NR3C2: variants seen among roughly 807,000 people sequenced by gnomAD.
The protein encoded by NR3C2 is nuclear receptor subfamily 3 group C member 2, also known as mineralocorticoid receptor.
In NR3C2, 15 loss-of-function variants were observed where a neutral mutation model predicts 86.4. The ratio of observed to expected loss-of-function variants is 0.17; its 90% confidence interval spans 0.12 to 0.27. The LOEUF (loss-of-function observed/expected upper bound fraction) is 0.27, where lower values mean the gene tolerates loss of function less well. Ranked by LOEUF, NR3C2 falls within the 10% of genes least tolerant of loss-of-function variation. The pLI is 1.00. For synonymous variants in NR3C2, 458 were observed against 450.5 expected (o/e 1.02, Z -0.21); for missense variants, 960 against 1,195.6 (o/e 0.80, Z 2.91).
chr4:148,255,896 T>G (rs1056431007), intron 3 of NR3C2, among the ~76,000 whole-genome samples: 22 of 152,336 alleles, frequency 1.4e-4, no homozygotes, highest in South Asian at 1.0e-3. Context: ...CTAATTCAAT[T>G]GACAATTTAC....
chr4:148,172,560 A>T (rs1242020874), intron 4 of NR3C2, among the ~76,000 whole-genome samples: 1 of 152,204 alleles, frequency 6.6e-6, no homozygotes, highest in Non-Finnish European at 1.5e-5. Flanking sequence ...TTATAGGACT[A>T]GTTTTATAAT....
rs1385923393 is a variant in NR3C2 at position 148,177,482 on chromosome 4, C to T, written c.2014+17264G>A. ...AACAGCTTCTCCATCTTCACAATAA[C>T]ATAATTCAGTGTGAAAATGGGGAAA... On this transcript the variant is annotated intron_variant, in intron 4 of 8. Transcript: ENST00000358102. Among the ~76,000 whole-genome samples the T allele has an allele frequency of 1.3e-5, 2 of 152,112 alleles. 1 individual carries two copies. The highest frequency in any genetic ancestry group is 2.9e-5 in the Non-Finnish European group (2 of 68,028).
chr4:148,102,291 G>A (rs372563940), intron 8 of NR3C2, among the ~76,000 whole-genome samples: 1 of 152,310 alleles, frequency 6.6e-6, no homozygotes, highest in South Asian at 2.1e-4. Context: ...CCCAGCTTCA[G>A]TGACCACTCA....
At chr4:148,323,868 C>G (rs981818913) in intron 2 of NR3C2, among the ~76,000 whole-genome samples, 6 of 151,924 alleles carry the variant, frequency 3.9e-5, no homozygotes, top group African/African-American at 9.7e-5. Flanking sequence ...AGCTGTGGAC[C>G]GGAGCTGTTC....
intron 6 of NR3C2, among the ~76,000 whole-genome samples, chr4:148,139,567 G>A (rs1249121155): frequency 6.6e-6 from 1 of 152,202 alleles, no homozygotes. Flanking sequence ...TTCTGTTGAA[G>A]TGACGTCTAT....
At position 148,120,025 on chromosome 4, in the gene NR3C2, C is replaced by G. The variant is rs140519494; in HGVS notation, c.2641+133G>C. 195 of 1,216,382 alleles carry G rather than the reference C, an allele frequency of 1.6e-4. No individual in the cohort carries two copies. The Middle Eastern group carries it at 1.6e-3, about 10-fold the overall frequency. The allele number at this position is 1,216,382 out of a possible 1,614,324, so 75.3% of individuals were successfully genotyped here. ...TCATCAAAGGTCAAAGCCTTCCTCCCATTTCTTCAGTGTTTCTGTTTGGTT... is the reference window on the plus strand; with the variant it reads ...TCATCAAAGGTCAAAGCCTTCCTCCGATTTCTTCAGTGTTTCTGTTTGGTT... On this transcript the variant is annotated intron_variant, in intron 7 of 8. Transcript: ENST00000358102.
intron 3 of NR3C2, 61 bp from the exon 4 acceptor site, chr4:148,194,923 T>C (rs1736371383): frequency 6.9e-6 from 8 of 1,151,692 alleles, no homozygotes; most frequent in Non-Finnish European, 2.6e-6. Context: ...AACATTAATA[T>C]GTATACTCAG....
At chr4:148,303,608 C>G (rs1007872949) in intron 2 of NR3C2, among the ~76,000 whole-genome samples, 2 of 151,970 alleles carry the variant, frequency 1.3e-5, no homozygotes, top group South Asian at 4.2e-4. Flanking sequence ...GTCCATACAA[C>G]CCCCCGAGAT....
At chr4:148,432,496 C>T (rs548571461) in intron 2 of NR3C2, among the ~76,000 whole-genome samples, 1 of 152,246 alleles carries the variant, frequency 6.6e-6, no homozygotes, top group Non-Finnish European at 1.5e-5. Flanking sequence ...AGCATGATTT[C>T]TGACTGTGTG....
chr4:148,205,217 A>G (rs1277580759), intron 3 of NR3C2, among the ~76,000 whole-genome samples: 1 of 152,256 alleles, frequency 6.6e-6, no homozygotes, highest in Non-Finnish European at 1.5e-5. Context: ...ATAAACTTCT[A>G]CCAACAATCT....
At chr4:148,338,001 C>T (rs976837384) in intron 2 of NR3C2, among the ~76,000 whole-genome samples, 7 of 152,154 alleles carry the variant, frequency 4.6e-5, no homozygotes. Context: ...GTTTCCTAAA[C>T]TTTACATACC....
At chr4:148,255,935 T>C (rs1047661908) in intron 3 of NR3C2, among the ~76,000 whole-genome samples, 4 of 152,236 alleles carry the variant, frequency 2.6e-5, no homozygotes, top group African/African-American at 9.6e-5. Flanking sequence ...CAACCTTGAT[T>C]GCTCTTATGT....
intron 8 of NR3C2, among the ~76,000 whole-genome samples, chr4:148,106,874 G>T (rs917667551): frequency 6.6e-6 from 1 of 152,168 alleles, no homozygotes; most frequent in African/African-American, 2.4e-5. Flanking sequence ...ATGGATTAAA[G>T]ACTTAAACGT....
chr4:148,114,025 A>T, intron 8 of NR3C2, 79 bp downstream of exon 8: 1 of 1,544,946 alleles, frequency 6.5e-7, no homozygotes. Flanking sequence ...GAAAACTCTC[A>T]GTCTCTGTTT....
chr4:148,149,564 C>T (rs537785147), intron 6 of NR3C2, among the ~76,000 whole-genome samples: 1 of 152,162 alleles, frequency 6.6e-6, no homozygotes, highest in Admixed American at 6.5e-5. Context: ...TTTGACTTCA[C>T]TACAATTATA....
intron 2 of NR3C2, among the ~76,000 whole-genome samples, chr4:148,301,361 T>G (rs543640631): frequency 6.6e-6 from 1 of 152,220 alleles, no homozygotes; most frequent in Non-Finnish European, 1.5e-5. Flanking sequence ...ACCTTAAGAT[T>G]ATGGGTAAAA....
intron 7 of NR3C2, 81 bp downstream of exon 7, chr4:148,120,077 G>C: frequency 6.3e-7 from 1 of 1,575,528 alleles, no homozygotes; most frequent in Non-Finnish European, 8.7e-7. Flanking sequence ...CCAACTACCT[G>C]AATACAATAA....
chr4:148,119,001 A>G (rs1732392528), intron 7 of NR3C2, among the ~76,000 whole-genome samples: 1 of 152,030 alleles, frequency 6.6e-6, no homozygotes, highest in African/African-American at 2.4e-5. Flanking sequence ...CTCCTCTTGA[A>G]TCTATTCCGC....
At chr4:148,194,406 T>TA (rs1341011908) in intron 4 of NR3C2, among the ~76,000 whole-genome samples, 1 of 152,254 alleles carries the variant, frequency 6.6e-6, no homozygotes, top group Admixed American at 6.5e-5. Context: ...CATATAGGTC[T>TA]AATTTCTAAA....
Sources: allele counts gnomAD v4.1 joint callset (sites outside exome capture counted in the v4.1 genomes callset), GRCh38; gene constraint gnomAD v4.1.1; transcripts MANE v1.5; gene names NCBI Gene and HGNC (gene_info 2026-07-23, HGNC 2026-07-21).